The following NRBP2 variants were observed in gnomAD, a reference collection of about 807,000 sequenced individuals.
The protein encoded by NRBP2 is nuclear receptor-binding protein 2.
Under a neutral mutation model 74.4 loss-of-function variants are expected in NRBP2, and 47 were observed. The ratio of observed to expected loss-of-function variants is 0.63; its 90% CI spans 0.50 to 0.81. NRBP2 has a LOEUF of 0.81. NRBP2 is among the 30% of genes least tolerant of loss of function. The probability of loss-of-function intolerance (pLI) is 0.00; values close to 1 mark genes in which losing one functional copy is unlikely to be tolerated. For synonymous variants in NRBP2, 312 were observed against 273.8 expected (o/e 1.14, Z -1.38); for missense variants, 613 against 690.1 (o/e 0.89, Z 1.25).
chr8:143,831,465 T>TA (rs1235303842), downstream of NRBP2, among the ~76,000 whole-genome samples: 1 of 152,032 alleles, frequency 6.6e-6, no homozygotes, highest in Admixed American at 6.6e-5. Flanking sequence ...AAAGTAATTT[T>TA]AAAAAACCAG....
At position 143,839,358 on chromosome 8, in the gene NRBP2, T is replaced by TCG; in HGVS notation, c.534_535dup (p.Asp179AlafsTer97). 6.3e-7 allele frequency: 1 copy of TCG among 1,590,450 alleles called. No homozygotes were observed. On this transcript the variant is annotated frameshift_variant, in exon 6 of 18. Transcript: ENST00000442628. LOFTEE classifies it high-confidence loss of function. This position sits in a 1 kb window ranked among gnomAD's most constrained non-coding sequence, Gnocchi z 5.1. ...GCCGTTGTGCTGAATGAAGATGGTG[T>TCG]CGCTGGTCAGGTTCCCGTGGATGAT...
rs781895737 is a variant in NRBP2, at chr8:143,834,884, G to C, written c.*778C>G. 6.6e-6 allele frequency: 1 copy of C among 152,530 alleles called. No individual in the cohort carries two copies. The highest frequency in any genetic ancestry group is 2.1e-4 in the South Asian group (1 of 4,842). The allele number at this position is 152,530 out of a possible 1,614,324, so 9.4% of individuals were successfully genotyped here. Reference sequence around the variant, plus strand: ...GAGGTGCGGGAGGTAACATGGAGGGGCTGTGAGTCTGAGGAGCAGGGAGGA... The same window carrying C: ...GAGGTGCGGGAGGTAACATGGAGGGCCTGTGAGTCTGAGGAGCAGGGAGGA... On this transcript the variant is annotated 3_prime_UTR_variant, in exon 18 of 18. Transcript: ENST00000442628.
Position 143,839,228 on chromosome 8 carries a change from CT to C in NRBP2, c.581-34del, listed in dbSNP as rs1563863902. On this transcript the variant is annotated intron_variant, in intron 6 of 17. Transcript: ENST00000442628. This position sits in a 1 kb window ranked among gnomAD's most constrained non-coding sequence, Gnocchi z 5.1. ...GGGGCGGGAGAAAGAGTGGAGTTAG[CT>C]GCTGGGGCATCAGAACTCCTCTGCC... 3.3e-6 allele frequency: 5 copies of C among 1,531,916 alleles called. No homozygotes were observed. The East Asian group carries it at 1.2e-4, about 38-fold the overall frequency. 94.9% of individuals were successfully genotyped at this position (1,531,916 alleles called of 1,614,324 possible).
In NRBP2 at chr8:143,839,308, C is replaced by A; in HGVS notation, c.580+6G>T. The A allele has an allele frequency of 6.4e-7, 1 of 1,556,478 alleles. No homozygotes were observed. Among genetic ancestry groups the A allele is most frequent in the Admixed American group, 1.9e-5 (1 of 54,030 alleles). ...GTTCCCCCACCCAGCCCTGCCCCGCCAGCACCGGAGCCGATCTTGATGAGG... is the reference window on the plus strand; with the variant it reads ...GTTCCCCCACCCAGCCCTGCCCCGCAAGCACCGGAGCCGATCTTGATGAGG... On this transcript the variant is annotated splice_donor_region_variant and intron_variant, in intron 6 of 17. Coordinates refer to ENST00000442628, the MANE Select transcript of NRBP2 (RefSeq NM_178564.4). This position sits in a 1 kb window ranked among gnomAD's most constrained non-coding sequence, Gnocchi z 5.1.
At chr8:143,836,101 G>T (rs966691643) in intron 15 of NRBP2, 26 bp downstream of exon 15, 5 of 1,597,798 alleles carry the variant, frequency 3.1e-6, no homozygotes, top group African/African-American at 2.7e-5. Flanking sequence ...CCCCACGGCA[G>T]CGCCGCCCTC....
chr8:143,839,305 C>T lies in NRBP2; in HGVS notation c.580+9G>A, dbSNP rs782073725. The T allele has an allele frequency of 4.5e-6, 7 of 1,552,272 alleles. No homozygotes were observed. Among genetic ancestry groups the T allele is most frequent in the Admixed American group, 3.7e-5 (2 of 53,362 alleles). On this transcript the variant is annotated intron_variant, in intron 6 of 17. Transcript: ENST00000442628. The surrounding 1 kb of genome is among the most constrained non-coding windows in gnomAD (Gnocchi z 5.1). ...CCCGTTCCCCCACCCAGCCCTGCCCCGCCAGCACCGGAGCCGATCTTGATG... is the reference window on the plus strand; with the variant it reads ...CCCGTTCCCCCACCCAGCCCTGCCCTGCCAGCACCGGAGCCGATCTTGATG...
rs782121502 is a variant in NRBP2, at chr8:143,837,441, G to A, written c.1042C>T (p.Leu348Phe). ...AGCGGGGGCCTGCGGGGCCGGGGAAGCTCCGCCAAGACCGCGTGCAGGTCC... is the reference window on the plus strand; with the variant it reads ...AGCGGGGGCCTGCGGGGCCGGGGAAACTCCGCCAAGACCGCGTGCAGGTCC... Reference protein sequence around the residue: ...AMDLHAVLAELPRPRRPPLQW... With the variant: ...AMDLHAVLAEFPRPRRPPLQW... Residue 348 changes from leucine to phenylalanine, a missense_variant, in exon 12 of 18, where the codon CTT becomes TTT. Leu to Phe is a conservative substitution (Grantham distance 22). Around this residue, in one of 2 missense-constraint regions of NRBP2, gnomAD observed 281 missense variants for 260.9 expected, o/e 1.08. Transcript: ENST00000442628. The surrounding 1 kb of genome is among the most constrained non-coding windows in gnomAD (Gnocchi z 4.3). 1 of 1,608,686 alleles carries A rather than the reference G, an allele frequency of 6.2e-7. No homozygotes were observed. The highest frequency in any genetic ancestry group is 1.7e-5 in the Admixed American group (1 of 59,716).
chr8:143,839,119 C>A lies in NRBP2; in HGVS notation c.605-19G>T. 1 of 1,514,350 alleles carries A rather than the reference C, an allele frequency of 6.6e-7. No individual in the cohort carries two copies. The highest frequency in any genetic ancestry group is 8.8e-7 in the Non-Finnish European group (1 of 1,133,624). The allele number at this position is 1,514,350 out of a possible 1,614,324, so 93.8% of individuals were successfully genotyped here. A position where few individuals can be genotyped will look rare whatever the true frequency, so the allele number is the denominator to read the frequency against. The stretch of plus-strand genomic sequence containing the variant: ...GGAAGTGCTGTGGGAGGGCGCAGAG[C>A]TGAGCGGGCGGGGACCTCTCCAGGA... On this transcript the variant is annotated intron_variant, in intron 7 of 17. Transcript: ENST00000442628. This position sits in a 1 kb window ranked among gnomAD's most constrained non-coding sequence, Gnocchi z 5.1.
chr8:143,837,796 C>T lies in NRBP2; in HGVS notation c.841-41G>A. ...GAGAGGCTGGTGGTGTGCAAGGGCT[C>T]TCTGCTCTGGCCCCGCAGTTCGAGG... On this transcript the variant is annotated intron_variant, in intron 10 of 17. Transcript: ENST00000442628. This position sits in a 1 kb window ranked among gnomAD's most constrained non-coding sequence, Gnocchi z 4.3. 6.4e-6 allele frequency: 10 copies of T among 1,552,030 alleles called. No homozygotes were observed. The highest frequency in any genetic ancestry group is 8.7e-6 in the Non-Finnish European group (10 of 1,147,568).
rs370359045 is a variant in NRBP2, at chr8:143,835,808, C to A, written c.1437+12G>T. Reference sequence around the variant, plus strand: ...CCCCCTCCGCCAGGCCGCGCCGCACCGCCCAGCGCACCTCGTGGAGGAAGC... The same window carrying A: ...CCCCCTCCGCCAGGCCGCGCCGCACAGCCCAGCGCACCTCGTGGAGGAAGC... On this transcript the variant is annotated intron_variant, in intron 17 of 17. Transcript: ENST00000442628. The surrounding 1 kb of genome is among the most constrained non-coding windows in gnomAD (Gnocchi z 4.9). 6.2e-7 allele frequency: 1 copy of A among 1,600,418 alleles called. No individual in the cohort carries two copies. The highest frequency in any genetic ancestry group is 8.5e-7 in the Non-Finnish European group (1 of 1,174,378).
chr8:143,839,606 C>T lies in NRBP2; in HGVS notation c.445-57G>A. On this transcript the variant is annotated intron_variant, in intron 4 of 17. Coordinates refer to ENST00000442628, the MANE Select transcript of NRBP2 (RefSeq NM_178564.4). The surrounding 1 kb of genome is among the most constrained non-coding windows in gnomAD (Gnocchi z 5.1). Reference sequence around the variant, plus strand: ...GTGGGCGCAGGAGAGGCGGCTGGGCCTGCGGAGCCCGCCCCGCATCCTCGC... The same window carrying T: ...GTGGGCGCAGGAGAGGCGGCTGGGCTTGCGGAGCCCGCCCCGCATCCTCGC... The T allele has an allele frequency of 6.6e-7, 1 of 1,509,096 alleles. No homozygotes were observed. Among genetic ancestry groups the T allele is most frequent in the Non-Finnish European group, 8.8e-7 (1 of 1,134,684 alleles). 93.5% of individuals were successfully genotyped at this position (1,509,096 alleles called of 1,614,324 possible).
Position 143,837,880 on chromosome 8 carries a change from T to C in NRBP2, c.841-125A>G. ...CAGGGACACACAGGACATGCAGGGA[T>C]GCCCATAGGGAGGAGTCCCAGCAGC... On this transcript the variant is annotated intron_variant, in intron 10 of 17. Coordinates refer to ENST00000442628, the MANE Select transcript of NRBP2 (RefSeq NM_178564.4). The surrounding 1 kb of genome is among the most constrained non-coding windows in gnomAD (Gnocchi z 4.3). 8.2e-7 allele frequency: 1 copy of C among 1,225,316 alleles called. No homozygotes were observed. The highest frequency in any genetic ancestry group is 1.2e-6 in the Non-Finnish European group (1 of 861,276). The allele number at this position is 1,225,316 out of a possible 1,614,324, so 75.9% of individuals were successfully genotyped here.
chr8:143,839,049 C>G lies in NRBP2; in HGVS notation c.656G>C (p.Arg219Pro), dbSNP rs1445711930. The G allele has an allele frequency of 6.5e-7, 1 of 1,539,120 alleles. No homozygotes were observed. Among genetic ancestry groups the G allele is most frequent in the Admixed American group, 2.0e-5 (1 of 50,896 alleles). The part of the protein sequence containing the change: ...SPIRAEREEL[R>P]NLHFFPPEYG... ...CTCTGGGGGGAAGAAGTGCAGGTTC[C>G]GAAGTTCCTCTCGCTCAGCGCGGAT... The change falls in exon 8 of 18, where the codon CGG becomes CCG. Residue 219 changes from arginine to proline, a missense_variant. Transcript: ENST00000442628. This position sits in a 1 kb window ranked among gnomAD's most constrained non-coding sequence, Gnocchi z 5.1.
chr8:143,831,620 C>G (rs538479506), downstream of NRBP2, among the ~76,000 whole-genome samples: 5 of 152,016 alleles, frequency 3.3e-5, no homozygotes, highest in South Asian at 1.0e-3. Flanking sequence ...GACCCTGTCT[C>G]AAAAAAACAA....
chr8:143,832,780 CAATA>C (rs1353023692), downstream of NRBP2, among the ~76,000 whole-genome samples: 5 of 152,226 alleles, frequency 3.3e-5, no homozygotes, highest in South Asian at 2.1e-4. Flanking sequence ...CACAAATGAT[CAATA>C]AATACTAAGG....
chr8:143,834,451 G>A lies in NRBP2; in HGVS notation c.*1211C>T, dbSNP rs1818274196. The A allele has an allele frequency of 6.6e-6, 1 of 152,218 alleles. No individual in the cohort carries two copies. The highest frequency in any genetic ancestry group is 2.4e-5 in the African/African-American group (1 of 41,444). The allele number at this position is 152,218 out of a possible 1,614,324, so 9.4% of individuals were successfully genotyped here. On this transcript the variant is annotated 3_prime_UTR_variant, in exon 18 of 18. Transcript: ENST00000442628. ...GACAGAGTCTCCCCTAGAACCTCCA[G>A]GAAGGAAGGCAGCCTGCCAGCCTTG...
rs1206390008 is a variant in NRBP2, at chr8:143,840,179, G to A, written c.180C>T (p.Asp60=). Residue 60 remains aspartate (D), a synonymous_variant, in exon 2 of 18, where the codon GAC becomes GAT. Coordinates refer to ENST00000442628, the MANE Select transcript of NRBP2 (RefSeq NM_178564.4). This position sits in a 1 kb window ranked among gnomAD's most constrained non-coding sequence, Gnocchi z 5.7. Reference sequence around the variant, plus strand: ...ACACCACCTCTACCCCCTCCTCCGTGTCCATGGCTAGGAAGGTGCTCTGAA... The same window carrying A: ...ACACCACCTCTACCCCCTCCTCCGTATCCATGGCTAGGAAGGTGCTCTGAA... The part of the protein sequence containing the change: ...PGLQSTFLAM[D]TEEGVEVVWN... 1 of 1,536,056 alleles carries A rather than the reference G, an allele frequency of 6.5e-7. No homozygotes were observed. The highest frequency in any genetic ancestry group is 1.4e-5 in the African/African-American group (1 of 73,054).
intron 8 of NRBP2, 25 bp downstream of exon 8, chr8:143,838,992 G>C (rs781984283): frequency 1.2e-5 from 19 of 1,556,836 alleles, no homozygotes; most frequent in Non-Finnish European, 1.7e-5. Context: ...GTAGGCACGG[G>C]GCACCCGGAC....
chr8:143,839,287 C>T lies in NRBP2; in HGVS notation c.580+27G>A. ...CCAGGCACCTTCCCCTGCCCCGTTCCCCCACCCAGCCCTGCCCCGCCAGCA... is the reference window on the plus strand; with the variant it reads ...CCAGGCACCTTCCCCTGCCCCGTTCTCCCACCCAGCCCTGCCCCGCCAGCA... On this transcript the variant is annotated intron_variant, in intron 6 of 17. Coordinates refer to ENST00000442628, the MANE Select transcript of NRBP2 (RefSeq NM_178564.4). This position sits in a 1 kb window ranked among gnomAD's most constrained non-coding sequence, Gnocchi z 5.1. 1 of 1,539,134 alleles carries T rather than the reference C, an allele frequency of 6.5e-7. No individual in the cohort carries two copies. Among genetic ancestry groups the T allele is most frequent in the South Asian group, 1.2e-5 (1 of 84,268 alleles).
Sources: gnomAD v4.1 joint callset for allele counts (sites outside exome capture counted in the v4.1 genomes callset) on GRCh38, gnomAD v4.1.1 for gene constraint, gnomAD v4.1.1 regional missense constraint, Gnocchi (gnomAD v3.1) non-coding constraint, MANE v1.5 for transcripts, NCBI Gene and HGNC (gene_info 2026-07-23, HGNC 2026-07-21) for gene names.